HS3ST3A1: variants seen among roughly 807,000 people sequenced by gnomAD.
HS3ST3A1 encodes the protein heparan sulfate glucosamine 3-O-sulfotransferase 3A1.
Under a neutral mutation model 25.7 loss-of-function variants are expected in HS3ST3A1, and 19 were observed. The ratio of observed to expected loss-of-function variants is 0.74; its 90% CI spans 0.52 to 1.08. HS3ST3A1 has a LOEUF of 1.08. Ranked by LOEUF, HS3ST3A1 falls within the 50% of genes least tolerant of loss-of-function variation. The pLI, the probability that HS3ST3A1 is intolerant of heterozygous loss-of-function variation, is 0.00. For missense variants in HS3ST3A1, 459 were observed against 594.3 expected (o/e 0.77, Z 2.37); for synonymous variants, 226 against 278.6 (o/e 0.81, Z 1.88).
intron 1 of HS3ST3A1, among the ~76,000 whole-genome samples, chr17:13,512,433 G>A (rs553546451): frequency 6.6e-6 from 1 of 152,266 alleles, no homozygotes; most frequent in Admixed American, 6.5e-5. Context: ...ATAGGAGTGA[G>A]TGCTTAACAG....
At chr17:13,511,777 T>A (rs1381787959) in intron 1 of HS3ST3A1, among the ~76,000 whole-genome samples, 3 of 151,868 alleles carry the variant, frequency 2.0e-5, no homozygotes, top group Non-Finnish European at 4.4e-5. Context: ...TTAATTACAA[T>A]TTAAAAATTA....
intron 1 of HS3ST3A1, among the ~76,000 whole-genome samples, chr17:13,503,443 A>C (rs1905554105): frequency 6.6e-6 from 1 of 152,186 alleles, no homozygotes; most frequent in Non-Finnish European, 1.5e-5. Context: ...GAATGCTCAC[A>C]ACACTAAAAA....
chr17:13,526,472 TTTTATATATATATATATATATATATA>T (rs1254380275), intron 1 of HS3ST3A1, among the ~76,000 whole-genome samples: 26 of 58,364 alleles, frequency 4.5e-4, no homozygotes, highest in Non-Finnish European at 7.1e-4. Context: ...CAACTTTAAT[TTTTATATATATATATATATATATATA>T]TATATATATA....
chr17:13,535,269 T>C (rs1906737217), intron 1 of HS3ST3A1, among the ~76,000 whole-genome samples: 1 of 152,182 alleles, frequency 6.6e-6, no homozygotes, highest in African/African-American at 2.4e-5. Flanking sequence ...AGGGAGTTTG[T>C]TAACATATGT....
chr17:13,591,171 G>A (rs895697034), intron 1 of HS3ST3A1, among the ~76,000 whole-genome samples: 2 of 150,334 alleles, frequency 1.3e-5, no homozygotes, highest in South Asian at 2.1e-4. Context: ...CTCAGCCTCC[G>A]GAGTACCTGG....
intron 1 of HS3ST3A1, among the ~76,000 whole-genome samples, chr17:13,549,727 C>T (rs970724021): frequency 6.6e-6 from 1 of 152,158 alleles, no homozygotes; most frequent in Non-Finnish European, 1.5e-5. Flanking sequence ...GGTTCCATGC[C>T]GACTGTCACA....
chr17:13,495,763 CAT>C lies in HS3ST3A1; in HGVS notation c.*432_*433del, dbSNP rs1430767455. On this transcript the variant is annotated 3_prime_UTR_variant, in exon 2 of 2. Transcript: ENST00000284110. ...CTATGAAAACTGTGACGGGTACAAA[CAT>C]ATGATAATACTAACTGGGAAATAAT... The C allele has an allele frequency of 1.3e-5, 2 of 156,128 alleles. No individual in the cohort carries two copies. The highest frequency in any genetic ancestry group is 4.8e-5 in the African/African-American group (2 of 41,392). The allele number at this position is 156,128 out of a possible 1,614,324, so 9.7% of individuals were successfully genotyped here. A position where few individuals can be genotyped will look rare whatever the true frequency, so the allele number is the denominator to read the frequency against.
At chr17:13,573,928 GTGCCCTTACTGGACACCAGCTC>G (rs1907882136) in intron 1 of HS3ST3A1, among the ~76,000 whole-genome samples, 1 of 152,124 alleles carries the variant, frequency 6.6e-6, no homozygotes, top group South Asian at 2.1e-4. Flanking sequence ...ACCAGAAAGA[GTGCCCTTACTGGACACCAGCTC>G]TTCCCACGCC....
chr17:13,506,331 G>C (rs895127676), intron 1 of HS3ST3A1, among the ~76,000 whole-genome samples: 38 of 152,240 alleles, frequency 2.5e-4, no homozygotes, highest in African/African-American at 8.9e-4. Flanking sequence ...AACAAAAAAA[G>C]TTTATTGTCC....
At chr17:13,583,596 T>A (rs1259580626) in intron 1 of HS3ST3A1, among the ~76,000 whole-genome samples, 1 of 152,196 alleles carries the variant, frequency 6.6e-6, no homozygotes, top group Non-Finnish European at 1.5e-5. Flanking sequence ...GCTAAAGGCC[T>A]ACCCTTAGAT....
intron 1 of HS3ST3A1, among the ~76,000 whole-genome samples, chr17:13,598,058 A>C (rs1356673516): frequency 1.3e-5 from 2 of 152,186 alleles, no homozygotes; most frequent in African/African-American, 2.4e-5. Flanking sequence ...CTCTTCCATA[A>C]TTCACTGCTG....
intron 1 of HS3ST3A1, among the ~76,000 whole-genome samples, chr17:13,539,495 G>A (rs1278418620): frequency 6.6e-6 from 1 of 152,220 alleles, no homozygotes; most frequent in Non-Finnish European, 1.5e-5. Context: ...TCACAGGTTA[G>A]AGACATTGGC....
intron 1 of HS3ST3A1, among the ~76,000 whole-genome samples, chr17:13,506,491 T>A (rs981234879): frequency 1.1e-4 from 17 of 152,188 alleles, no homozygotes; most frequent in African/African-American, 3.9e-4. Context: ...GAGATTTGTA[T>A]AAATAATTAC....
chr17:13,508,012 G>A (rs1414388498), intron 1 of HS3ST3A1, among the ~76,000 whole-genome samples: 1 of 152,118 alleles, frequency 6.6e-6, no homozygotes, highest in Non-Finnish European at 1.5e-5. Context: ...CCCTTTACTT[G>A]TTGTTTGAAT....
chr17:13,547,280 A>T (rs549368663), intron 1 of HS3ST3A1, among the ~76,000 whole-genome samples: 1 of 152,130 alleles, frequency 6.6e-6, no homozygotes, highest in South Asian at 2.1e-4. Flanking sequence ...GAATTTTGGG[A>T]GTAATAAGTG....
At chr17:13,564,695 T>G (rs1352543178) in intron 1 of HS3ST3A1, among the ~76,000 whole-genome samples, 1 of 151,052 alleles carries the variant, frequency 6.6e-6, no homozygotes, top group Admixed American at 6.6e-5. Flanking sequence ...ATGTCCCCTG[T>G]GCTTAGAAAT....
At chr17:13,527,813 T>C (rs907219540) in intron 1 of HS3ST3A1, among the ~76,000 whole-genome samples, 4 of 152,184 alleles carry the variant, frequency 2.6e-5, no homozygotes, top group African/African-American at 9.7e-5. Flanking sequence ...TCCCCTCCAT[T>C]ATCTGTAATT....
chr17:13,496,157 T>C lies in HS3ST3A1; in HGVS notation c.*40A>G. ...TTCTCTACCGATTGGTAAAAAAATA[T>C]ATTATATTTTGATTTTTTTTTTCTT... On this transcript the variant is annotated 3_prime_UTR_variant, in exon 2 of 2. Coordinates refer to ENST00000284110, the MANE Select transcript of HS3ST3A1 (RefSeq NM_006042.3). 6.8e-7 allele frequency: 1 copy of C among 1,471,928 alleles called. No individual in the cohort carries two copies. Among genetic ancestry groups the C allele is most frequent in the Non-Finnish European group, 8.9e-7 (1 of 1,118,160 alleles). 91.2% of individuals were successfully genotyped at this position (1,471,928 alleles called of 1,614,324 possible).
At chr17:13,558,148 C>T (rs1461657329) in intron 1 of HS3ST3A1, among the ~76,000 whole-genome samples, 5 of 152,058 alleles carry the variant, frequency 3.3e-5, no homozygotes, top group Non-Finnish European at 4.4e-5. Flanking sequence ...CATAGAGGCT[C>T]GAGCCTGTAG....
Sources: allele counts gnomAD v4.1 joint callset (sites outside exome capture counted in the v4.1 genomes callset), GRCh38; gene constraint gnomAD v4.1.1; transcripts MANE v1.5; gene names NCBI Gene and HGNC (gene_info 2026-07-23, HGNC 2026-07-21).